The following METAP1D variants were observed in gnomAD, a reference collection of about 807,000 sequenced individuals.
The protein encoded by METAP1D is methionine aminopeptidase 1D, mitochondrial.
Under a neutral mutation model 40.5 loss-of-function variants are expected in METAP1D, and 31 were observed. The observed-to-expected ratio is 0.77, with a 90% CI of 0.58 to 1.03. METAP1D has a LOEUF of 1.03. Among genes scored for constraint, METAP1D ranks in the 50% least tolerant of loss-of-function variants. The probability of loss-of-function intolerance (pLI) is 0.00; values close to 1 mark genes in which losing one functional copy is unlikely to be tolerated. For missense variants in METAP1D, 411 were observed against 420.7 expected (o/e 0.98, Z 0.20); for synonymous variants, 151 against 146.4 (o/e 1.03, Z -0.22).
At chr2:172,050,021 G>GT (rs1480364597) in intron 1 of METAP1D, among the ~76,000 whole-genome samples, 1 of 152,026 alleles carries the variant, frequency 6.6e-6, no homozygotes, top group Non-Finnish European at 1.5e-5. Flanking sequence ...AAGATGTAGG[G>GT]TTTTTTGTTT....
intron 1 of METAP1D, among the ~76,000 whole-genome samples, chr2:172,011,046 C>G (rs917645341): frequency 6.6e-6 from 1 of 152,064 alleles, no homozygotes; most frequent in Non-Finnish European, 1.5e-5. Flanking sequence ...TGAGCCACCG[C>G]GCCCAGCCTG....
chr2:172,080,011 G>A, intron 8 of METAP1D, 117 bp from the exon 9 acceptor site: 4 of 826,204 alleles, frequency 4.8e-6, no homozygotes, highest in Middle Eastern at 3.2e-4. Flanking sequence ...ACATGAGCCT[G>A]TGGGGGAAGC....
chr2:172,007,317 A>G (rs1688611371), intron 1 of METAP1D, among the ~76,000 whole-genome samples: 1 of 151,872 alleles, frequency 6.6e-6, no homozygotes, highest in African/African-American at 2.4e-5. Context: ...CTATAGGCGC[A>G]CACCACCATG....
intron 3 of METAP1D, among the ~76,000 whole-genome samples, chr2:172,064,703 A>G (rs1397102897): frequency 6.6e-6 from 1 of 152,182 alleles, no homozygotes; most frequent in Non-Finnish European, 1.5e-5. Context: ...GGATTATAAA[A>G]GAAAAATATG....
intron 1 of METAP1D, among the ~76,000 whole-genome samples, chr2:172,043,437 C>T (rs143510434): frequency 0.025 from 3,293 of 132,486 alleles, 722 homozygotes; most frequent in Admixed American, 0.089. Flanking sequence ...CACTTGGTCA[C>T]GACTCACTAA....
intron 1 of METAP1D, among the ~76,000 whole-genome samples, chr2:172,039,326 T>G (rs951674759): frequency 6.6e-6 from 1 of 152,202 alleles, no homozygotes; most frequent in Middle Eastern, 3.2e-3. Flanking sequence ...AGACCCATAC[T>G]CTTGTGCTCT....
At chr2:172,059,992 A>C (rs563387964) in intron 1 of METAP1D, among the ~76,000 whole-genome samples, 7 of 152,212 alleles carry the variant, frequency 4.6e-5, no homozygotes, top group African/African-American at 1.4e-4. Context: ...CGGAGGTTGC[A>C]GTGAGCCAAG....
intron 1 of METAP1D, among the ~76,000 whole-genome samples, chr2:172,008,094 A>T (rs944386785): frequency 7.0e-6 from 1 of 142,076 alleles, no homozygotes; most frequent in Non-Finnish European, 1.5e-5. Flanking sequence ...GGAGCTTTGC[A>T]TTTTGTGGAT....
chr2:172,021,705 G>C (rs1689012092), intron 1 of METAP1D: 1 of 152,280 alleles, frequency 6.6e-6, no homozygotes, highest in Non-Finnish European at 1.5e-5. Flanking sequence ...GACAGGGTCA[G>C]GCGTCTGCTT....
intron 1 of METAP1D, 35 bp downstream of exon 1, chr2:172,000,044 C>G: frequency 1.6e-6 from 2 of 1,277,272 alleles, no homozygotes; most frequent in Non-Finnish European, 2.0e-6. Flanking sequence ...TGAGGGTTCG[C>G]ACGGTTGCTC....
chr2:172,065,478 G>T, intron 3 of METAP1D, 126 bp from the exon 4 acceptor site: 1 of 927,324 alleles, frequency 1.1e-6, no homozygotes, highest in Non-Finnish European at 1.6e-6. Flanking sequence ...TTCAAATGTT[G>T]TACCATAACT....
At chr2:172,037,137 C>G (rs1031854223) in intron 1 of METAP1D, among the ~76,000 whole-genome samples, 3 of 152,094 alleles carry the variant, frequency 2.0e-5, no homozygotes, top group Admixed American at 2.0e-4. Context: ...TGGTGCATAC[C>G]TATAATCCCA....
chr2:172,048,726 T>C (rs1421261993), intron 1 of METAP1D, among the ~76,000 whole-genome samples: 1 of 152,222 alleles, frequency 6.6e-6, no homozygotes, highest in African/African-American at 2.4e-5. Flanking sequence ...CTTCAAAAAG[T>C]GTCCCATCCC....
chr2:172,013,968 G>A (rs1210008692), intron 1 of METAP1D, among the ~76,000 whole-genome samples: 1 of 149,278 alleles, frequency 6.7e-6, no homozygotes, highest in Admixed American at 6.7e-5. Context: ...CTGCAGGTGC[G>A]CACCACCATG....
intron 1 of METAP1D, among the ~76,000 whole-genome samples, chr2:172,030,003 G>C (rs149133379): frequency 1.3e-5 from 2 of 152,018 alleles, no homozygotes; most frequent in African/African-American, 4.8e-5. Flanking sequence ...TGATCCACCC[G>C]CCTGGGCCTC....
chr2:172,036,274 G>C (rs187322179), intron 1 of METAP1D, among the ~76,000 whole-genome samples: 1 of 146,536 alleles, frequency 6.8e-6, no homozygotes, highest in Non-Finnish European at 1.5e-5. Context: ...CCGAGATCGC[G>C]CCATTGCACT....
intron 1 of METAP1D, among the ~76,000 whole-genome samples, chr2:172,028,882 A>G (rs890005941): frequency 5.3e-5 from 8 of 152,234 alleles, no homozygotes; most frequent in African/African-American, 1.2e-4. Context: ...TGATTTTCTC[A>G]TAAACTTGCC....
intron 1 of METAP1D, among the ~76,000 whole-genome samples, chr2:172,035,154 T>TTGTTTG (rs1553492542): frequency 3.3e-5 from 5 of 150,200 alleles, no homozygotes; most frequent in South Asian, 2.1e-4. Context: ...TGTGTTTTTT[T>TTGTTTG]TTTGTTTGTT....
At chr2:172,062,862 T>G (rs888577690) in intron 2 of METAP1D, among the ~76,000 whole-genome samples, 4 of 152,234 alleles carry the variant, frequency 2.6e-5, no homozygotes, top group African/African-American at 9.6e-5. Flanking sequence ...GTTATCTCCC[T>G]CAGCTTCCTG....
Sources: allele counts gnomAD v4.1 joint callset (sites outside exome capture counted in the v4.1 genomes callset), GRCh38; gene constraint gnomAD v4.1.1; transcripts MANE v1.5; gene names NCBI Gene and HGNC (gene_info 2026-07-23, HGNC 2026-07-21).